SGCZ: variants seen among roughly 807,000 people sequenced by gnomAD.
The protein encoded by SGCZ is zeta-sarcoglycan.
In SGCZ, 40 loss-of-function variants were observed where a neutral mutation model predicts 41.3. That is an observed-to-expected ratio of 0.97 (90% CI 0.75 to 1.26). The LOEUF (loss-of-function observed/expected upper bound fraction) is 1.26, where lower values mean the gene tolerates loss of function less well. SGCZ is among the 50% of genes most tolerant of loss of function. SGCZ has a pLI of 0.00. For synonymous variants in SGCZ, 206 were observed against 137.5 expected, an observed-to-expected ratio of 1.50 and a Z score of -3.49; for missense variants, 552 against 369.8, an observed-to-expected ratio of 1.49 and a Z score of -4.04.
chr8:14,481,399 C>T (rs1275624846), intron 2 of SGCZ, among the ~76,000 whole-genome samples: 1 of 152,134 alleles, frequency 6.6e-6, no homozygotes, highest in Non-Finnish European at 1.5e-5. Flanking sequence ...GGGGATTACT[C>T]AATTCACTAA....
At chr8:15,135,907 T>C (rs1808085471) in intron 1 of SGCZ, among the ~76,000 whole-genome samples, 1 of 152,216 alleles carries the variant, frequency 6.6e-6, no homozygotes, top group Non-Finnish European at 1.5e-5. Flanking sequence ...TCAGGGGCAG[T>C]TGCACAGGCA....
chr8:14,499,835 T>C lies in SGCZ; in HGVS notation c.234+54897A>G, dbSNP rs1353106109. ...CAATTACTATACATCACTAAAATTG[T>C]ATCCTCAAGAACAGCTCTCTTCAAA... On this transcript the variant is annotated intron_variant, in intron 2 of 7. Coordinates refer to ENST00000382080, the MANE Select transcript of SGCZ (RefSeq NM_139167.4). 7.9e-5 allele frequency among the ~76,000 whole-genome samples: 12 copies of C among 152,162 alleles called. No individual in the cohort carries two copies. The East Asian group carries it at 2.3e-3, about 29-fold the overall frequency.
At chr8:15,229,021 C>T (rs982690276) in intron 1 of SGCZ, among the ~76,000 whole-genome samples, 6 of 152,040 alleles carry the variant, frequency 3.9e-5, no homozygotes, top group Non-Finnish European at 5.9e-5. Context: ...TGGTGAAACC[C>T]GTATCTACAA....
chr8:14,431,045 G>A (rs1416211640), intron 2 of SGCZ, among the ~76,000 whole-genome samples: 2 of 151,776 alleles, frequency 1.3e-5, no homozygotes, highest in African/African-American at 2.4e-5. Flanking sequence ...CATCATAGAT[G>A]TCACAAATTG....
At chr8:15,166,118 T>C (rs1270575309) in intron 1 of SGCZ, among the ~76,000 whole-genome samples, 61 of 152,178 alleles carry the variant, frequency 4.0e-4, no homozygotes, top group Non-Finnish European at 1.5e-4. Context: ...TTGTCTTCCC[T>C]GGCACCTGGC....
intron 1 of SGCZ, among the ~76,000 whole-genome samples, chr8:15,111,083 G>C (rs1007033483): frequency 6.6e-6 from 1 of 152,162 alleles, no homozygotes; most frequent in Admixed American, 6.5e-5. Flanking sequence ...GCCAATTCAC[G>C]CTTATTTCAT....
At chr8:14,618,369 A>T (rs370373843) in intron 1 of SGCZ, among the ~76,000 whole-genome samples, 2 of 152,284 alleles carry the variant, frequency 1.3e-5, no homozygotes, top group African/African-American at 4.8e-5. Context: ...CGGAATTAGA[A>T]CTGGGACTCA....
chr8:14,912,793 G>A (rs1799315241), intron 1 of SGCZ, among the ~76,000 whole-genome samples: 1 of 151,998 alleles, frequency 6.6e-6, no homozygotes, highest in South Asian at 2.1e-4. Context: ...ATGAAACTTT[G>A]AGTTAAACAG....
At chr8:15,081,987 G>A (rs957233348) in intron 1 of SGCZ, among the ~76,000 whole-genome samples, 2 of 152,030 alleles carry the variant, frequency 1.3e-5, no homozygotes, top group Non-Finnish European at 2.9e-5. Flanking sequence ...TATTATTCAC[G>A]CTTCTTAACT....
Position 14,410,765 on chromosome 8 carries a change from T to G in SGCZ, c.235-86561A>C, listed in dbSNP as rs1327620680. Among the ~76,000 whole-genome samples the G allele has an allele frequency of 3.3e-5, 5 of 152,024 alleles. No homozygotes were observed. In the East Asian group the frequency reaches 7.7e-4, roughly 23 times the overall value. On this transcript the variant is annotated intron_variant, in intron 2 of 7. Transcript: ENST00000382080. Reference sequence around the variant, plus strand: ...ACGTTTTGCACATGTATCCTAGAACTTAAAGTAAAATATACAAAAACCAAT... The same window carrying G: ...ACGTTTTGCACATGTATCCTAGAACGTAAAGTAAAATATACAAAAACCAAT...
At chr8:14,989,223 G>T (rs1050953993) in intron 1 of SGCZ, among the ~76,000 whole-genome samples, 6 of 152,188 alleles carry the variant, frequency 3.9e-5, no homozygotes, top group African/African-American at 1.4e-4. Flanking sequence ...TCAAAATGGT[G>T]TCTGAGAGGT....
At chr8:14,489,660 C>T (rs1203519951) in intron 2 of SGCZ, among the ~76,000 whole-genome samples, 1 of 151,786 alleles carries the variant, frequency 6.6e-6, no homozygotes, top group Non-Finnish European at 1.5e-5. Context: ...TTGAAATTGG[C>T]ATATTTCTTT....
chr8:15,068,854 T>G (rs1456005500), intron 1 of SGCZ, among the ~76,000 whole-genome samples: 1 of 152,206 alleles, frequency 6.6e-6, no homozygotes, highest in African/African-American at 2.4e-5. Context: ...AGTCTAAATA[T>G]TTGTTGATTT....
chr8:14,677,224 T>C (rs1263488866), intron 1 of SGCZ, among the ~76,000 whole-genome samples: 1 of 151,732 alleles, frequency 6.6e-6, no homozygotes, highest in Non-Finnish European at 1.5e-5. Context: ...CATCCAAAAA[T>C]AAAATACTTA....
At chr8:15,209,588 G>A (rs932542348) in intron 1 of SGCZ, among the ~76,000 whole-genome samples, 1 of 151,686 alleles carries the variant, frequency 6.6e-6, no homozygotes, top group Non-Finnish European at 1.5e-5. Context: ...TTGTGGGATA[G>A]ACATTTTGCT....
chr8:14,349,341 T>C (rs1585393615), intron 2 of SGCZ, among the ~76,000 whole-genome samples: 1 of 152,104 alleles, frequency 6.6e-6, no homozygotes, highest in African/African-American at 2.4e-5. Flanking sequence ...GAAGAAGACA[T>C]GGGTAGTTCC....
chr8:14,399,079 C>T (rs907845083), intron 2 of SGCZ, among the ~76,000 whole-genome samples: 16 of 152,032 alleles, frequency 1.1e-4, no homozygotes, highest in East Asian at 3.9e-4. Context: ...AGAAACCAAA[C>T]GTGATCATTA....
intron 3 of SGCZ, among the ~76,000 whole-genome samples, chr8:14,242,021 A>G (rs920828718): frequency 7.2e-5 from 11 of 152,234 alleles, no homozygotes; most frequent in Admixed American, 2.6e-4. Context: ...CAAAAGAGAA[A>G]GAAAGGAGAC....
intron 1 of SGCZ, among the ~76,000 whole-genome samples, chr8:14,714,884 A>G (rs1439776445): frequency 2.6e-5 from 4 of 152,112 alleles, no homozygotes; most frequent in African/African-American, 7.2e-5. Flanking sequence ...TTTTTTTCAG[A>G]GCTAAATTTT....
Sources: gnomAD v4.1 joint callset for allele counts (sites outside exome capture counted in the v4.1 genomes callset) on GRCh38, gnomAD v4.1.1 for gene constraint, MANE v1.5 for transcripts, NCBI Gene and HGNC (gene_info 2026-07-23, HGNC 2026-07-21) for gene names.